The following ARFGAP3 variants were observed in gnomAD, a reference collection of about 807,000 sequenced individuals.
ARFGAP3 encodes the protein ARF GTPase activating protein 3, also known as ADP-ribosylation factor GTPase-activating protein 3.
A neutral mutation model predicts 75.0 loss-of-function variants in ARFGAP3; 72 were observed. The observed-to-expected ratio is 0.96, with a 90% CI of 0.79 to 1.17. ARFGAP3 has a LOEUF of 1.17. ARFGAP3 is among the 50% of genes most tolerant of loss of function. ARFGAP3 has a pLI of 0.00. For synonymous variants in ARFGAP3, 221 were observed against 217.9 expected (o/e 1.01, Z -0.13); for missense variants, 620 against 626.6 (o/e 0.99, Z 0.11).
intron 14 of ARFGAP3, among the ~76,000 whole-genome samples, chr22:42,802,125 G>A (rs534213652): frequency 3.9e-5 from 6 of 152,142 alleles, no homozygotes; most frequent in Admixed American, 6.5e-5. Flanking sequence ...AGTGAGGAGA[G>A]GGGTGAGCAG....
intron 1 of ARFGAP3, among the ~76,000 whole-genome samples, chr22:42,848,496 C>T (rs1180273554): frequency 6.6e-6 from 1 of 152,222 alleles, no homozygotes; most frequent in Non-Finnish European, 1.5e-5. Context: ...GCGTGAGCCA[C>T]CGCGCCCGGG....
chr22:42,813,142 C>T (rs541778488), intron 11 of ARFGAP3, among the ~76,000 whole-genome samples: 8 of 152,156 alleles, frequency 5.3e-5, no homozygotes, highest in Non-Finnish European at 7.4e-5. Context: ...TAAGCACCTA[C>T]GAGGAGTCAG....
intron 14 of ARFGAP3, among the ~76,000 whole-genome samples, chr22:42,804,310 A>G (rs1234444575): frequency 1.3e-5 from 2 of 151,610 alleles, no homozygotes; most frequent in Non-Finnish European, 2.9e-5. Context: ...CCCAGGTTCA[A>G]GCAATTCTTG....
chr22:42,849,093 G>A (rs1569174489), intron 1 of ARFGAP3, among the ~76,000 whole-genome samples: 1 of 152,162 alleles, frequency 6.6e-6, no homozygotes, highest in Admixed American at 6.5e-5. Flanking sequence ...AGCGAGGAGA[G>A]GAGGCCTGCC....
chr22:42,797,601 C>G lies in ARFGAP3; in HGVS notation c.1538G>C (p.Arg513Pro), dbSNP rs774318170. The G allele has an allele frequency of 1.9e-6, 3 of 1,613,946 alleles. No homozygotes were observed. Among genetic ancestry groups the G allele is most frequent in the Admixed American group, 1.7e-5 (1 of 59,994 alleles). ...ATGACTTCAGTATTAAGAACCGTAG[C>G]GATCCTGAAGAGAGAACCAAAATGG... ...ANGVVTSIQDRYGS is the reference protein window; with the variant it reads ...ANGVVTSIQDPYGS The change falls in exon 16 of 16, where the codon CGC becomes CCC. Residue 513 changes from arginine to proline, a missense_variant. By Grantham distance (103) the Arg-to-Pro change is moderately radical. Transcript: ENST00000263245.
chr22:42,848,409 C>T (rs998500335), intron 1 of ARFGAP3, among the ~76,000 whole-genome samples: 1 of 151,958 alleles, frequency 6.6e-6, no homozygotes, highest in Non-Finnish European at 1.5e-5. Flanking sequence ...GGGGTTTCAC[C>T]GTGTTAGCCA....
intron 14 of ARFGAP3, among the ~76,000 whole-genome samples, chr22:42,801,309 A>G (rs1924849162): frequency 6.6e-6 from 1 of 152,186 alleles, no homozygotes; most frequent in Non-Finnish European, 1.5e-5. Context: ...CCTCTCTGAG[A>G]CAGAGGGGAC....
intron 3 of ARFGAP3, among the ~76,000 whole-genome samples, chr22:42,838,286 A>T (rs1480761233): frequency 1.6e-4 from 21 of 128,094 alleles, no homozygotes; most frequent in African/African-American, 7.0e-4. Flanking sequence ...ATATATATAT[A>T]TATATTTTTT....
At position 42,799,108 on chromosome 22, in the gene ARFGAP3, G is replaced by C. The variant is rs79850497; in HGVS notation, c.1464C>G (p.Phe488Leu). The C allele has an allele frequency of 0.013, 20,704 of 1,614,160 alleles. 162 individuals carry two copies. The highest frequency in any genetic ancestry group is 0.016 in the Non-Finnish European group (18,762 of 1,180,028). The change falls in exon 15 of 16, where the codon TTC becomes TTG. Residue 488 changes from phenylalanine (F) to leucine (L), a missense_variant. Coordinates refer to ENST00000263245, the MANE Select transcript of ARFGAP3 (RefSeq NM_014570.5). ...VLPNAPDMAQ[F>L]KQGVRSVAGK... ...CAGCAACCGATCTCACTCCCTGCTT[G>C]AACTGCGCCATGTCGGGGGCGTTGG...
rs1382009492 is a variant in ARFGAP3, at chr22:42,835,349, T to G, written c.393+13A>C. 4.3e-6 allele frequency: 7 copies of G among 1,612,716 alleles called. No homozygotes were observed. Among genetic ancestry groups the G allele is most frequent in the Non-Finnish European group, 5.9e-6 (7 of 1,179,512 alleles). ...TGTATCTAAAGGAAACAATCCAGCC[T>G]CCAGTGACTTACATCAGTGCCATGC... On this transcript the variant is annotated intron_variant, in intron 4 of 15. Transcript: ENST00000263245.
rs541357019 is a variant in ARFGAP3 at position 42,817,999 on chromosome 22, G to GT, written c.813-143dup. ...TTAACAATTATGAAGGCAAGTTGGTGTTTTTTCTACCTGCCTTTTTTGAAC... is the reference window on the plus strand; with the variant it reads ...TTAACAATTATGAAGGCAAGTTGGTGTTTTTTTCTACCTGCCTTTTTTGAAC... On this transcript the variant is annotated intron_variant, in intron 9 of 15. Transcript: ENST00000263245. 244 of 1,184,510 alleles carry GT rather than the reference G, an allele frequency of 2.1e-4. No individual in the cohort carries two copies. The African/African-American group carries it at 3.6e-3, about 17-fold the overall frequency. The allele number at this position is 1,184,510 out of a possible 1,614,324, so 73.4% of individuals were successfully genotyped here.
In ARFGAP3 at chr22:42,823,379, C is replaced by T. The variant is rs548135557; in HGVS notation, c.672+277G>A. ...CAAGATGTCATTGCTTATTGATCTA[C>T]ACAAGCAGGAGACAAATTCCCAGGG... On this transcript the variant is annotated intron_variant, in intron 8 of 15. Coordinates refer to ENST00000263245, the MANE Select transcript of ARFGAP3 (RefSeq NM_014570.5). 1.3e-4 allele frequency among the ~76,000 whole-genome samples: 20 copies of T among 152,140 alleles called. No individual in the cohort carries two copies. The South Asian group carries it at 4.1e-3, about 31-fold the overall frequency.
chr22:42,801,126 G>A (rs547918808), intron 14 of ARFGAP3, among the ~76,000 whole-genome samples: 1 of 152,328 alleles, frequency 6.6e-6, no homozygotes, highest in South Asian at 2.1e-4. Context: ...ATGGGGCGGT[G>A]CCTGAGCATG....
At chr22:42,829,582 A>G (rs1926195398) in intron 6 of ARFGAP3, among the ~76,000 whole-genome samples, 1 of 152,252 alleles carries the variant, frequency 6.6e-6, no homozygotes, top group Non-Finnish European at 1.5e-5. Context: ...ATCATCCACA[A>G]AACAACCACA....
intron 13 of ARFGAP3, chr22:42,807,413 G>T: frequency 4.2e-6 from 1 of 240,336 alleles, no homozygotes; most frequent in Non-Finnish European, 6.7e-6. Flanking sequence ...TGCGGAGGCC[G>T]TCGGAGTGAG....
intron 9 of ARFGAP3, among the ~76,000 whole-genome samples, chr22:42,819,431 G>T (rs1211069295): frequency 6.6e-6 from 1 of 152,160 alleles, no homozygotes; most frequent in African/African-American, 2.4e-5. Context: ...CATGGACTGG[G>T]TCACTCACTA....
Position 42,810,823 on chromosome 22 carries a change from A to G in ARFGAP3, c.1186T>C (p.Tyr396His). 1.2e-6 allele frequency: 2 copies of G among 1,614,068 alleles called. No homozygotes were observed. Among genetic ancestry groups the G allele is most frequent in the Non-Finnish European group, 1.7e-6 (2 of 1,179,962 alleles). The change falls in exon 12 of 16, where the codon TAT becomes CAT. Residue 396 changes from tyrosine to histidine, a missense_variant. Coordinates refer to ENST00000263245, the MANE Select transcript of ARFGAP3 (RefSeq NM_014570.5). ...GTTTTGCATTCATACCTGTCTGAAT[A>G]GCCTGTGGTTTTCAGAACTGTTTCA... ...DTETVLKTTGYSDRPTARRKP... is the reference protein window; with the variant it reads ...DTETVLKTTGHSDRPTARRKP...
At chr22:42,856,148 C>T (rs1301299788) in intron 1 of ARFGAP3, among the ~76,000 whole-genome samples, 1 of 152,238 alleles carries the variant, frequency 6.6e-6, no homozygotes, top group Non-Finnish European at 1.5e-5. Context: ...CATCAGACAT[C>T]ACCTCCAATA....
At chr22:42,807,611 C>T (rs998294039) in intron 13 of ARFGAP3, among the ~76,000 whole-genome samples, 1 of 152,052 alleles carries the variant, frequency 6.6e-6, no homozygotes, top group Non-Finnish European at 1.5e-5. Flanking sequence ...GAAATGATGG[C>T]GAAATGTTAC....
Sources: gnomAD v4.1 joint callset for allele counts (sites outside exome capture counted in the v4.1 genomes callset) on GRCh38, gnomAD v4.1.1 for gene constraint, MANE v1.5 for transcripts, NCBI Gene and HGNC (gene_info 2026-07-23, HGNC 2026-07-21) for gene names.